NECAB1: variants seen among roughly 807,000 people sequenced by gnomAD.
NECAB1 encodes N-terminal EF-hand calcium-binding protein 1.
NECAB1 carries 29 observed loss-of-function variants against 57.5 expected under a neutral mutation model. The ratio of observed to expected loss-of-function variants is 0.50; its 90% confidence interval spans 0.38 to 0.69. NECAB1 has a LOEUF of 0.69. Among genes scored for constraint, NECAB1 ranks in the 30% least tolerant of loss-of-function variants. The pLI is 0.00. For synonymous variants in NECAB1, 142 were observed against 147.7 expected (o/e 0.96, Z 0.28); for missense variants, 372 against 413.8 (o/e 0.90, Z 0.88).
intron 3 of NECAB1, among the ~76,000 whole-genome samples, chr8:90,850,377 A>G (rs1415694814): frequency 1.3e-5 from 2 of 152,220 alleles, no homozygotes; most frequent in Non-Finnish European, 2.9e-5. Flanking sequence ...ACATTTTCCC[A>G]CTAGGATATT....
At chr8:90,906,883 A>ATATATATGTATG (rs1554574053) in intron 5 of NECAB1, among the ~76,000 whole-genome samples, 1 of 80,758 alleles carries the variant, frequency 1.2e-5, no homozygotes, top group Non-Finnish European at 2.4e-5. Context: ...ACACATATAT[A>ATATATATGTATG]TATATATATA....
At chr8:90,815,761 G>A (rs1812052471) in intron 2 of NECAB1, among the ~76,000 whole-genome samples, 1 of 151,960 alleles carries the variant, frequency 6.6e-6, no homozygotes. Flanking sequence ...ATTTCATTGT[G>A]TGGATGTATC....
At chr8:90,836,074 C>T (rs1407021922) in intron 3 of NECAB1, among the ~76,000 whole-genome samples, 1 of 152,102 alleles carries the variant, frequency 6.6e-6, no homozygotes, top group Non-Finnish European at 1.5e-5. Flanking sequence ...GTTCTCTACT[C>T]CTGTGACTTA....
chr8:90,801,951 T>C (rs548984472), intron 2 of NECAB1, among the ~76,000 whole-genome samples: 2 of 152,362 alleles, frequency 1.3e-5, no homozygotes, highest in South Asian at 4.1e-4. Context: ...TCTGCCATAT[T>C]TGGACTCTGG....
At chr8:90,866,502 A>C (rs1397715454) in intron 3 of NECAB1, among the ~76,000 whole-genome samples, 1 of 152,246 alleles carries the variant, frequency 6.6e-6, no homozygotes, top group African/African-American at 2.4e-5. Flanking sequence ...TGGGTGAAGA[A>C]GAGAAAACTC....
chr8:90,890,967 G>A (rs1377482362), intron 5 of NECAB1, among the ~76,000 whole-genome samples: 1 of 152,206 alleles, frequency 6.6e-6, no homozygotes, highest in Non-Finnish European at 1.5e-5. Flanking sequence ...GCTTTGTCCA[G>A]TAAATCTGGA....
intron 1 of NECAB1, among the ~76,000 whole-genome samples, chr8:90,793,223 G>T (rs1284286568): frequency 6.6e-6 from 1 of 152,164 alleles, no homozygotes; most frequent in Non-Finnish European, 1.5e-5. Context: ...GAATGGATTG[G>T]CTAGAATTCT....
intron 3 of NECAB1, among the ~76,000 whole-genome samples, chr8:90,854,766 G>A (rs1812762315): frequency 6.6e-6 from 1 of 152,166 alleles, no homozygotes; most frequent in African/African-American, 2.4e-5. Context: ...TAATCCACAG[G>A]GTAATGGAGA....
At chr8:90,792,712 T>C (rs1267526733) in intron 1 of NECAB1, among the ~76,000 whole-genome samples, 1 of 152,236 alleles carries the variant, frequency 6.6e-6, no homozygotes, top group Non-Finnish European at 1.5e-5. Flanking sequence ...TTTCTTTTCC[T>C]TCTGTGCTGT....
chr8:90,848,552 G>C lies in NECAB1; in HGVS notation c.234-23576G>C, dbSNP rs137929446. On this transcript the variant is annotated intron_variant, in intron 3 of 12. Transcript: ENST00000417640. ...TACCCAAGACTGGGTAATTTATGAA[G>C]AAAAAGAGGTTTAATGTACTCACAG... is the stretch of plus-strand genomic sequence containing the variant. Among the ~76,000 whole-genome samples, 110 of 152,276 alleles carry C rather than the reference G, an allele frequency of 7.2e-4. 2 individuals carry two copies. The East Asian group carries it at 0.02, about 28-fold the overall frequency.
At chr8:90,885,437 A>G (rs1292409799) in intron 5 of NECAB1, among the ~76,000 whole-genome samples, 2 of 152,214 alleles carry the variant, frequency 1.3e-5, no homozygotes, top group African/African-American at 2.4e-5. Context: ...TTCCTGCCAG[A>G]CTAGGGCTTC....
At chr8:90,865,517 T>C (rs1429713582) in intron 3 of NECAB1, among the ~76,000 whole-genome samples, 2 of 152,168 alleles carry the variant, frequency 1.3e-5, no homozygotes. Context: ...ATAATTGTGG[T>C]CTTAAGCAGA....
intron 5 of NECAB1, among the ~76,000 whole-genome samples, chr8:90,883,870 A>G (rs1808906219): frequency 6.6e-6 from 1 of 152,228 alleles, no homozygotes; most frequent in African/African-American, 2.4e-5. Context: ...TCTACAGGGT[A>G]GAGGTGATAA....
At chr8:90,904,265 C>CA (rs5893144) in intron 5 of NECAB1, among the ~76,000 whole-genome samples, 24 of 147,246 alleles carry the variant, frequency 1.6e-4, no homozygotes, top group East Asian at 5.8e-4. Context: ...GTACTGAAAG[C>CA]AAAAAAAAAA....
chr8:90,892,201 A>G (rs1015858436), intron 5 of NECAB1, among the ~76,000 whole-genome samples: 2 of 152,158 alleles, frequency 1.3e-5, no homozygotes, highest in African/African-American at 4.8e-5. Flanking sequence ...TAGTTTTTCT[A>G]TATTACTTTG....
chr8:90,896,552 C>T (rs1356435246), intron 5 of NECAB1, among the ~76,000 whole-genome samples: 1 of 152,044 alleles, frequency 6.6e-6, no homozygotes, highest in East Asian at 1.9e-4. Flanking sequence ...TTGCAGTGAA[C>T]CGAGATCGTG....
At chr8:90,879,208 T>A (rs962453843) in intron 4 of NECAB1, among the ~76,000 whole-genome samples, 3 of 146,678 alleles carry the variant, frequency 2.0e-5, no homozygotes, top group African/African-American at 7.5e-5. Context: ...TTTTTTTTTT[T>A]AGACAATGTC....
chr8:90,842,543 T>C (rs1364722600), intron 3 of NECAB1, among the ~76,000 whole-genome samples: 2 of 152,136 alleles, frequency 1.3e-5, no homozygotes, highest in Non-Finnish European at 2.9e-5. Flanking sequence ...AGCTGTTTGT[T>C]TCATGTGGGC....
chr8:90,820,467 T>G (rs184305474), intron 2 of NECAB1, among the ~76,000 whole-genome samples: 438 of 152,054 alleles, frequency 2.9e-3, no homozygotes, highest in Non-Finnish European at 3.8e-3. Context: ...GATGTTTTCA[T>G]TTTGATAAAC....
Sources: allele counts gnomAD v4.1 joint callset (sites outside exome capture counted in the v4.1 genomes callset), GRCh38; gene constraint gnomAD v4.1.1; transcripts MANE v1.5; gene names NCBI Gene and HGNC (gene_info 2026-07-23, HGNC 2026-07-21).